Variants in DOT1L observed in about 807,000 individuals in gnomAD.
DOT1L encodes the protein histone-lysine N-methyltransferase, H3 lysine-79 specific.
DOT1L carries 33 observed loss-of-function variants against 153.3 expected under a neutral mutation model. The ratio of observed to expected loss-of-function variants is 0.22; its 90% confidence interval spans 0.16 to 0.29. The LOEUF (loss-of-function observed/expected upper bound fraction) is 0.29, where lower values mean the gene tolerates loss of function less well. Ranked by LOEUF, DOT1L falls within the 10% of genes least tolerant of loss-of-function variation. The probability of loss-of-function intolerance (pLI) is 1.00; values close to 1 mark genes in which losing one functional copy is unlikely to be tolerated. For missense variants in DOT1L, 1,847 were observed against 2,119.9 expected (o/e 0.87, Z 2.53); for synonymous variants, 1,135 against 965.1 (o/e 1.18, Z -3.26).
rs768756000 is a variant in DOT1L, at chr19:2,222,215, G to A, written c.3046G>A (p.Ala1016Thr). ...LSSSPRLGGA[A>T]QGPLPEASKG... ...CTCCAGTCCCCGGCTTGGTGGGGCC[G>A]CCCAGGGCCCGTTGCCCGAGGCCAG... is the stretch of plus-strand genomic sequence containing the variant. Residue 1016 changes from alanine (A) to threonine (T), a missense_variant, in exon 24 of 28, where the codon GCC (alanine) becomes ACC (threonine). Around this residue, in one of 8 missense-constraint regions of DOT1L, gnomAD observed 934 missense variants for 825.3 expected, o/e 1.13. Transcript: ENST00000398665. This position sits in a 1 kb window ranked among gnomAD's most constrained non-coding sequence, Gnocchi z 6.5. 99 of 1,612,934 alleles carry A rather than the reference G, an allele frequency of 6.1e-5. No individual in the cohort carries two copies. The highest frequency in any genetic ancestry group is 1.8e-4 in the South Asian group (16 of 91,078).
At chr19:2,195,507 A>T (rs997574214) in intron 7 of DOT1L, among the ~76,000 whole-genome samples, 4 of 151,974 alleles carry the variant, frequency 2.6e-5, no homozygotes, top group Non-Finnish European at 5.9e-5. Flanking sequence ...TGCTCCCGTG[A>T]TGTGGATTGG....
chr19:2,223,888 T>A (rs985444415), intron 25 of DOT1L, among the ~76,000 whole-genome samples: 26 of 152,326 alleles, frequency 1.7e-4, no homozygotes, highest in African/African-American at 5.5e-4. Flanking sequence ...AGGTCTTTGG[T>A]ATATCCACAT....
At chr19:2,187,826 G>T (rs897092722) in intron 3 of DOT1L, among the ~76,000 whole-genome samples, 1 of 151,920 alleles carries the variant, frequency 6.6e-6, no homozygotes, top group Non-Finnish European at 1.5e-5. Flanking sequence ...GGAGGCTGAG[G>T]CAGGAGAATG....
chr19:2,190,147 C>G lies in DOT1L; in HGVS notation c.264+352C>G, dbSNP rs539671298. Among the ~76,000 whole-genome samples the G allele has an allele frequency of 6.6e-6, 1 of 152,196 alleles. No homozygotes were observed. The highest frequency in any genetic ancestry group is 2.1e-4 in the South Asian group (1 of 4,824). On this transcript the variant is annotated intron_variant, in intron 4 of 27. Transcript: ENST00000398665. This position sits in a 1 kb window ranked among gnomAD's most constrained non-coding sequence, Gnocchi z 4.8. ...CGGGCTGTGTGAATGCCGGCCTTCC[C>G]CCTTGGACCTCCCCCACACCGCCTG... is the stretch of plus-strand genomic sequence containing the variant.
chr19:2,198,663 C>T (rs1385616389), intron 7 of DOT1L, among the ~76,000 whole-genome samples: 2 of 152,192 alleles, frequency 1.3e-5, no homozygotes, highest in South Asian at 2.1e-4. Context: ...CGCTGGTCCT[C>T]CCTCGGCTCT....
At chr19:2,202,282 G>A (rs1443784029) in intron 8 of DOT1L, among the ~76,000 whole-genome samples, 2 of 152,236 alleles carry the variant, frequency 1.3e-5, no homozygotes, top group Admixed American at 6.5e-5. Flanking sequence ...GGTCTCTGCA[G>A]CAGTTGAGCG....
intron 27 of DOT1L, chr19:2,229,310 C>T (rs1195302266): frequency 1.0e-6 from 1 of 985,358 alleles, no homozygotes; most frequent in Non-Finnish European, 1.2e-6. Flanking sequence ...GTGCCCTCTG[C>T]TTGCCCCTGG....
chr19:2,229,703 G>A lies in DOT1L; in HGVS notation c.4607-82G>A, dbSNP rs1048000457. On this transcript the variant is annotated intron_variant, in intron 27 of 27. Transcript: ENST00000398665. ...GGCGTGTGTGCTCGTGGGAGGCCTC[G>A]GTCCCCAGCCTGGGTGAGTGTTGGG... 10 of 1,608,778 alleles carry A rather than the reference G, an allele frequency of 6.2e-6. 1 individual carries two copies. The highest frequency in any genetic ancestry group is 1.6e-4 in the Middle Eastern group (1 of 6,068).
intron 1 of DOT1L, among the ~76,000 whole-genome samples, chr19:2,167,957 A>G (rs1446535170): frequency 6.7e-6 from 1 of 149,684 alleles, no homozygotes; most frequent in Non-Finnish European, 1.5e-5. Flanking sequence ...CTGGTCTCAA[A>G]CTCCTGACCT....
intron 7 of DOT1L, among the ~76,000 whole-genome samples, chr19:2,195,022 G>T (rs967038065): frequency 6.6e-6 from 1 of 152,110 alleles, no homozygotes; most frequent in Non-Finnish European, 1.5e-5. Context: ...GTTCTCTCCC[G>T]CCCTGTTGTG....
intron 16 of DOT1L, 81 bp downstream of exon 16, chr19:2,211,923 C>G: frequency 7.3e-7 from 1 of 1,372,738 alleles, no homozygotes; most frequent in Non-Finnish European, 9.9e-7. Flanking sequence ...TCCCCTGTGG[C>G]AGAGGCCCTG....
At position 2,229,577 on chromosome 19, in the gene DOT1L, G is replaced by A. The variant is rs150280502; in HGVS notation, c.4607-208G>A. On this transcript the variant is annotated intron_variant, in intron 27 of 27. Coordinates refer to ENST00000398665, the MANE Select transcript of DOT1L (RefSeq NM_032482.3). ...GGAGGAAGGCTGGAGCTTGGCCGGC[G>A]TGTCCAGGTGTCAGGCTCCCTGGTC... 5.3e-5 allele frequency: 52 copies of A among 985,474 alleles called. No homozygotes were observed. In the East Asian group the frequency reaches 5.0e-3, roughly 95 times the overall value. 61.0% of individuals were successfully genotyped at this position (985,474 alleles called of 1,614,324 possible).
rs112993568 is a variant in DOT1L at position 2,218,279 on chromosome 19, A to G, written c.2691+361A>G. Among the ~76,000 whole-genome samples, 66 of 152,372 alleles carry G rather than the reference A, an allele frequency of 4.3e-4. 1 individual carries two copies. Among genetic ancestry groups the G allele is most frequent in the African/African-American group, 1.5e-3 (63 of 41,592 alleles). ...TGGGTTCTCCCACCCAGCGCTGTGCATGCAGAGAATCTCGTCTTGTGTAGC... is the reference window on the plus strand; with the variant it reads ...TGGGTTCTCCCACCCAGCGCTGTGCGTGCAGAGAATCTCGTCTTGTGTAGC... On this transcript the variant is annotated intron_variant, in intron 22 of 27. Coordinates refer to ENST00000398665, the MANE Select transcript of DOT1L (RefSeq NM_032482.3).
intron 1 of DOT1L, among the ~76,000 whole-genome samples, chr19:2,177,437 C>A (rs925620160): frequency 6.6e-6 from 1 of 152,134 alleles, no homozygotes; most frequent in Admixed American, 6.5e-5. Context: ...GCTGGAATTA[C>A]AGGCACCCGC....
At position 2,197,158 on chromosome 19, in the gene DOT1L, C is replaced by G. The variant is rs1397381930; in HGVS notation, c.651+2581C>G. Among the ~76,000 whole-genome samples, 2 of 152,200 alleles carry G rather than the reference C, an allele frequency of 1.3e-5. No homozygotes were observed. The highest frequency in any genetic ancestry group is 1.5e-5 in the Non-Finnish European group (1 of 68,044). Reference sequence around the variant, plus strand: ...TCTGGTTTGGTCTCTGGGTGGCGCTCCCTCGGCTTCTGTTCTGCTGTCTTT... The same window carrying G: ...TCTGGTTTGGTCTCTGGGTGGCGCTGCCTCGGCTTCTGTTCTGCTGTCTTT... On this transcript the variant is annotated intron_variant, in intron 7 of 27. Transcript: ENST00000398665. The surrounding 1 kb of genome is among the most constrained non-coding windows in gnomAD (Gnocchi z 4.1).
intron 27 of DOT1L, 164 bp downstream of exon 27, chr19:2,227,291 TG>T: frequency 1.1e-6 from 1 of 904,426 alleles, no homozygotes; most frequent in Non-Finnish European, 1.8e-6. Flanking sequence ...TCCAGTCCTG[TG>T]GGGAGAGGGC....
intron 12 of DOT1L, among the ~76,000 whole-genome samples, chr19:2,209,944 G>A (rs1009663749): frequency 6.6e-6 from 1 of 152,150 alleles, no homozygotes; most frequent in Non-Finnish European, 1.5e-5. Context: ...TCCCCTTCCC[G>A]TGGGTCGCGC....
At chr19:2,202,858 C>T in intron 9 of DOT1L, 79 bp downstream of exon 9, 1 of 1,446,842 alleles carries the variant, frequency 6.9e-7, no homozygotes, top group Admixed American at 1.7e-5. Flanking sequence ...GCAGGGTGTC[C>T]TGCAGAAGGC....
At chr19:2,229,243 G>A (rs1022103212) in intron 27 of DOT1L, 1 of 985,346 alleles carries the variant, frequency 1.0e-6, no homozygotes, top group African/African-American at 1.7e-5. Flanking sequence ...ACCCCTGAGG[G>A]CAGTTGGCCA....
Sources: allele counts gnomAD v4.1 joint callset (sites outside exome capture counted in the v4.1 genomes callset), GRCh38; gene constraint gnomAD v4.1.1; regional missense constraint gnomAD v4.1.1; non-coding constraint Gnocchi (gnomAD v3.1); transcripts MANE v1.5; gene names NCBI Gene and HGNC (gene_info 2026-07-23, HGNC 2026-07-21).